The following ENOX1 variants were observed in gnomAD, a reference collection of about 807,000 sequenced individuals.
ENOX1 encodes candidate growth-related and time keeping constitutive hydroquinone (NADH) oxidase.
ENOX1 carries 42 observed loss-of-function variants against 82.5 expected under a neutral mutation model. The observed-to-expected ratio is 0.51, with a 90% CI of 0.40 to 0.66. ENOX1 has a LOEUF of 0.66. ENOX1 is among the 30% of genes least tolerant of loss of function. The pLI is 0.00. For missense variants in ENOX1, 608 were observed against 811.6 expected (o/e 0.75, Z 3.05); for synonymous variants, 271 against 282.2 (o/e 0.96, Z 0.40).
chr13:43,470,377 C>CACATATATATGTATATATATGTAT lies in ENOX1; in HGVS notation c.-75+13631_-75+13632insATACATATATATACATATATATGT, dbSNP rs1555290142. Among the ~76,000 whole-genome samples, 7 of 27,056 alleles carry CACATATATATGTATATATATGTAT rather than the reference C, an allele frequency of 2.6e-4. 1 individual carries two copies. Among genetic ancestry groups the CACATATATATGTATATATATGTAT allele is most frequent in the Non-Finnish European group, 2.9e-4 (4 of 14,020 alleles). 17.7% of individuals were successfully genotyped at this position (27,056 alleles called of 152,430 possible). A position where few individuals can be genotyped will look rare whatever the true frequency, so the allele number is the denominator to read the frequency against. On this transcript the variant is annotated intron_variant, in intron 3 of 16. Coordinates refer to ENST00000690772, the MANE Select transcript of ENOX1 (RefSeq NM_001347969.2). ...ATGTATATATATACGTATATATATA[C>CACATATATATGTATATATATGTAT]ATATATATACGTATATATATGTGTA...
chr13:43,310,330 C>A (rs2047129912), intron 11 of ENOX1, among the ~76,000 whole-genome samples: 1 of 150,988 alleles, frequency 6.6e-6, no homozygotes. Context: ...GCTGTTTGGG[C>A]AAGTTTATGA....
intron 11 of ENOX1, among the ~76,000 whole-genome samples, chr13:43,317,984 G>A (rs1696412512): frequency 6.6e-6 from 1 of 151,158 alleles, no homozygotes; most frequent in African/African-American, 2.4e-5. Flanking sequence ...CAGCCTGGGT[G>A]ACAGAGCAAG....
chr13:43,785,311 A>G (rs1043281171), intron 1 of ENOX1, among the ~76,000 whole-genome samples: 3 of 152,196 alleles, frequency 2.0e-5, no homozygotes, highest in Admixed American at 6.5e-5. Flanking sequence ...CCACCAGCTC[A>G]GCTTTCCAAG....
At chr13:43,711,644 T>A (rs2087724568) in intron 1 of ENOX1, among the ~76,000 whole-genome samples, 1 of 152,062 alleles carries the variant, frequency 6.6e-6, no homozygotes, top group Non-Finnish European at 1.5e-5. Flanking sequence ...CTCATTGTGG[T>A]TTTGATTTGC....
intron 2 of ENOX1, among the ~76,000 whole-genome samples, chr13:43,594,210 A>G (rs2081364496): frequency 6.6e-6 from 1 of 152,312 alleles, no homozygotes; most frequent in South Asian, 2.1e-4. Flanking sequence ...GGTGATAGGT[A>G]TAAATAGCAG....
chr13:43,763,794 AAAG>A (rs1391335339), intron 1 of ENOX1, among the ~76,000 whole-genome samples: 1 of 152,274 alleles, frequency 6.6e-6, no homozygotes, highest in Non-Finnish European at 1.5e-5. Context: ...ATTTTGAGCT[AAAG>A]AAAACATTAC....
intron 14 of ENOX1, among the ~76,000 whole-genome samples, chr13:43,262,963 G>C (rs17064341): frequency 0.016 from 2,396 of 152,288 alleles, 69 homozygotes; most frequent in African/African-American, 0.055. Context: ...AGTCGGGTCT[G>C]AAGGCCTCGT....
intron 2 of ENOX1, among the ~76,000 whole-genome samples, chr13:43,620,851 G>C (rs1317291235): frequency 6.6e-6 from 1 of 152,100 alleles, no homozygotes; most frequent in Non-Finnish European, 1.5e-5. Context: ...GAGTATTGAA[G>C]TCCCACACTA....
At chr13:43,355,475 A>C (rs1434081508) in intron 8 of ENOX1, among the ~76,000 whole-genome samples, 1 of 152,174 alleles carries the variant, frequency 6.6e-6, no homozygotes, top group Non-Finnish European at 1.5e-5. Flanking sequence ...AGGCTTTAGG[A>C]GTCTGGTAAA....
intron 15 of ENOX1, among the ~76,000 whole-genome samples, chr13:43,229,081 A>C (rs2042157409): frequency 6.6e-6 from 1 of 152,196 alleles, no homozygotes; most frequent in South Asian, 2.1e-4. Flanking sequence ...CTAGTGAATA[A>C]GTCTCGTGAG....
At chr13:43,451,939 A>AG (rs748737464) in intron 3 of ENOX1, among the ~76,000 whole-genome samples, 21 of 152,222 alleles carry the variant, frequency 1.4e-4, no homozygotes, top group Non-Finnish European at 2.9e-4. Context: ...ATGCTAACAG[A>AG]GAAAAAGGGG....
intron 1 of ENOX1, among the ~76,000 whole-genome samples, chr13:43,684,556 G>C (rs2085965858): frequency 6.6e-6 from 1 of 152,142 alleles, no homozygotes; most frequent in African/African-American, 2.4e-5. Flanking sequence ...TCAGTCCCAT[G>C]ATAGCACCTC....
intron 1 of ENOX1, among the ~76,000 whole-genome samples, chr13:43,700,685 A>G (rs2086861887): frequency 6.6e-6 from 1 of 152,162 alleles, no homozygotes; most frequent in South Asian, 2.1e-4. Context: ...CGCCCTTTAA[A>G]TCAAAATCTT....
chr13:43,613,737 G>A (rs558110663), intron 2 of ENOX1, among the ~76,000 whole-genome samples: 5 of 152,032 alleles, frequency 3.3e-5, no homozygotes, highest in Admixed American at 1.3e-4. Context: ...GGTCTTAACA[G>A]ACCTATAAGT....
intron 1 of ENOX1, among the ~76,000 whole-genome samples, chr13:43,761,070 A>G (rs1027583122): frequency 6.6e-6 from 1 of 151,856 alleles, no homozygotes; most frequent in Non-Finnish European, 1.5e-5. Flanking sequence ...TGAGACCACC[A>G]AGATTCTAAG....
chr13:43,254,966 G>C (rs1176250752), intron 14 of ENOX1, among the ~76,000 whole-genome samples: 1 of 151,856 alleles, frequency 6.6e-6, no homozygotes, highest in Non-Finnish European at 1.5e-5. Context: ...TAAAAAAGAA[G>C]AACAAATAGT....
At chr13:43,373,202 C>A (rs571609324) in intron 5 of ENOX1, among the ~76,000 whole-genome samples, 1 of 149,186 alleles carries the variant, frequency 6.7e-6, no homozygotes, top group East Asian at 2.0e-4. Context: ...TTCTCGGTGG[C>A]TTTTTAAGTT....
chr13:43,651,408 C>T (rs970526086), intron 2 of ENOX1, among the ~76,000 whole-genome samples: 2 of 152,054 alleles, frequency 1.3e-5, no homozygotes, highest in African/African-American at 4.8e-5. Flanking sequence ...AAAGACTTCA[C>T]TTTGAGGCCG....
At chr13:43,236,846 T>G in intron 14 of ENOX1, 108 bp from the exon 15 acceptor site, 2 of 503,384 alleles carry the variant, frequency 4.0e-6, no homozygotes, top group Non-Finnish European at 6.7e-6. Context: ...ATCACTTCTA[T>G]TTATAACTAA....
Sources: gnomAD v4.1 joint callset for allele counts (sites outside exome capture counted in the v4.1 genomes callset) on GRCh38, gnomAD v4.1.1 for gene constraint, MANE v1.5 for transcripts, NCBI Gene and HGNC (gene_info 2026-07-23, HGNC 2026-07-21) for gene names.